Variants in PDIA5 observed in about 807,000 individuals in gnomAD.
PDIA5 encodes protein disulfide-isomerase A5.
A neutral mutation model predicts 77.6 loss-of-function variants in PDIA5; 58 were observed. That is an observed-to-expected ratio of 0.75 (90% CI 0.61 to 0.93). PDIA5 has a LOEUF of 0.93. PDIA5 is among the 40% of genes least tolerant of loss of function. The probability of loss-of-function intolerance (pLI) is 0.00; values close to 1 mark genes in which losing one functional copy is unlikely to be tolerated. For missense variants in PDIA5, 630 were observed against 647.7 expected (o/e 0.97, Z 0.30); for synonymous variants, 250 against 252.1 (o/e 0.99, Z 0.08).
intron 3 of PDIA5, among the ~76,000 whole-genome samples, chr3:123,096,539 A>G (rs997523964): frequency 6.6e-6 from 1 of 151,180 alleles, no homozygotes; most frequent in Non-Finnish European, 1.5e-5. Flanking sequence ...ATGGATATAT[A>G]TTTTCCTTTT....
intron 8 of PDIA5, 67 bp downstream of exon 8, chr3:123,116,365 G>T (rs1934998557): frequency 1.8e-6 from 2 of 1,121,678 alleles, no homozygotes; most frequent in African/African-American, 3.0e-5. Context: ...AGGGTGCCAG[G>T]GGTGGGGTGG....
At chr3:123,105,965 C>T (rs747491070) in intron 5 of PDIA5, among the ~76,000 whole-genome samples, 2 of 152,166 alleles carry the variant, frequency 1.3e-5, no homozygotes, top group Non-Finnish European at 2.9e-5. Context: ...AGGACAGTGC[C>T]ACTCTTCCCT....
At position 123,106,770 on chromosome 3, in the gene PDIA5, G is replaced by C. The variant is rs764297053; in HGVS notation, c.409G>C (p.Asp137His). 1 of 1,611,604 alleles carries C rather than the reference G, an allele frequency of 6.2e-7. No individual in the cohort carries two copies. The highest frequency in any genetic ancestry group is 8.5e-7 in the Non-Finnish European group (1 of 1,178,642). Residue 137 changes from aspartate to histidine, a missense_variant, in exon 6 of 17, where the codon GAT (aspartate) becomes CAT (histidine). Coordinates refer to ENST00000316218, the MANE Select transcript of PDIA5 (RefSeq NM_006810.4). Reference sequence around the variant, plus strand: ...TCAGTCCATAGTGGCCTTTTTGAAGGATCCAAAAGGGCCCCCACTGTGGGA... The same window carrying C: ...TCAGTCCATAGTGGCCTTTTTGAAGCATCCAAAAGGGCCCCCACTGTGGGA... Reference protein sequence around the residue: ...TFKSIVAFLKDPKGPPLWEED... With the variant: ...TFKSIVAFLKHPKGPPLWEED...
At chr3:123,129,857 T>C (rs1935332850) in intron 10 of PDIA5, among the ~76,000 whole-genome samples, 1 of 152,208 alleles carries the variant, frequency 6.6e-6, no homozygotes, top group Admixed American at 6.5e-5. Context: ...TGTTGGCCTC[T>C]GGGAAGGATT....
At chr3:123,141,460 T>C (rs1935633321) in intron 11 of PDIA5, among the ~76,000 whole-genome samples, 1 of 152,206 alleles carries the variant, frequency 6.6e-6, no homozygotes, top group Admixed American at 6.5e-5. Flanking sequence ...CATGGACCAC[T>C]CACATCTCTC....
intron 15 of PDIA5, among the ~76,000 whole-genome samples, chr3:123,159,821 T>G (rs1186962699): frequency 6.6e-6 from 1 of 152,090 alleles, no homozygotes; most frequent in Non-Finnish European, 1.5e-5. Flanking sequence ...AGGCCGCACC[T>G]CACTCTTCTC....
At chr3:123,095,091 G>T (rs535244763) in intron 3 of PDIA5, among the ~76,000 whole-genome samples, 1 of 152,194 alleles carries the variant, frequency 6.6e-6, no homozygotes, top group East Asian at 1.9e-4. Context: ...AGTTAGCTGC[G>T]CTGCTCACTA....
intron 3 of PDIA5, 134 bp from the exon 4 acceptor site, chr3:123,102,277 A>G (rs1934620857): frequency 1.0e-5 from 7 of 689,534 alleles, no homozygotes; most frequent in Middle Eastern, 2.4e-4. Context: ...CAGCCCATCT[A>G]TAGTAAGGCC....
At chr3:123,093,595 C>T (rs1205880125) in intron 3 of PDIA5, among the ~76,000 whole-genome samples, 1 of 152,166 alleles carries the variant, frequency 6.6e-6, no homozygotes, top group African/African-American at 2.4e-5. Context: ...GTTGTCTCCA[C>T]CTGGGTCCAT....
rs923517457 is a variant in PDIA5, at chr3:123,103,197, G to A, written c.387+401G>A. On this transcript the variant is annotated intron_variant, in intron 5 of 16. Coordinates refer to ENST00000316218, the MANE Select transcript of PDIA5 (RefSeq NM_006810.4). ...ATGGGCAGGTTGACACCTTTGGGCT[G>A]ATGCAGCTTGTTCCAGATGAGATAT... Among the ~76,000 whole-genome samples the A allele has an allele frequency of 2.6e-5, 4 of 152,208 alleles. No homozygotes were observed. In the South Asian group the frequency reaches 8.3e-4, roughly 32 times the overall value.
chr3:123,132,806 G>T (rs1374902916), intron 11 of PDIA5, among the ~76,000 whole-genome samples: 1 of 152,202 alleles, frequency 6.6e-6, no homozygotes, highest in Non-Finnish European at 1.5e-5. Context: ...GCTGTTTCCA[G>T]TTCCTCCTTG....
intron 15 of PDIA5, among the ~76,000 whole-genome samples, chr3:123,157,452 G>A (rs1007344146): frequency 3.9e-5 from 6 of 152,132 alleles, no homozygotes; most frequent in South Asian, 2.1e-4. Flanking sequence ...CCCTTTACTC[G>A]TGAGGGATCC....
At chr3:123,126,041 C>T (rs1274031859) in intron 10 of PDIA5, among the ~76,000 whole-genome samples, 1 of 152,238 alleles carries the variant, frequency 6.6e-6, no homozygotes, top group Non-Finnish European at 1.5e-5. Flanking sequence ...CCCTTCCCTT[C>T]TCTAACCTTT....
At chr3:123,110,317 C>G (rs1934830441) in intron 6 of PDIA5, among the ~76,000 whole-genome samples, 1 of 152,222 alleles carries the variant, frequency 6.6e-6, no homozygotes, top group African/African-American at 2.4e-5. Context: ...TGCCTGTAAC[C>G]TCCTGGAGGG....
At chr3:123,161,104 C>T (rs1413383742) in intron 15 of PDIA5, among the ~76,000 whole-genome samples, 3 of 152,164 alleles carry the variant, frequency 2.0e-5, no homozygotes, top group African/African-American at 4.8e-5. Context: ...CACTCCAGGC[C>T]GAGTCCCCTA....
chr3:123,118,369 C>T (rs1247456848), intron 8 of PDIA5, among the ~76,000 whole-genome samples: 1 of 152,192 alleles, frequency 6.6e-6, no homozygotes, highest in Non-Finnish European at 1.5e-5. Flanking sequence ...TGCCTGCACC[C>T]GCATACACTT....
At chr3:123,100,114 C>G (rs1282231455) in intron 3 of PDIA5, among the ~76,000 whole-genome samples, 1 of 152,222 alleles carries the variant, frequency 6.6e-6, no homozygotes, top group Non-Finnish European at 1.5e-5. Context: ...GTCACAGAAA[C>G]AGTGGAGCAT....
intron 15 of PDIA5, among the ~76,000 whole-genome samples, chr3:123,157,748 C>A (rs1038823454): frequency 1.3e-5 from 2 of 152,220 alleles, no homozygotes; most frequent in Non-Finnish European, 2.9e-5. Context: ...CACCCCCTCC[C>A]GGGAGCTTAC....
At position 123,081,425 on chromosome 3, in the gene PDIA5, C is replaced by T. The variant is rs557552793; in HGVS notation, c.43-7743C>T. 2.0e-5 allele frequency among the ~76,000 whole-genome samples: 3 copies of T among 152,330 alleles called. No individual in the cohort carries two copies. In the East Asian group the frequency reaches 5.8e-4, roughly 29 times the overall value. ...TCTCAGCCCGCTCAAGTTCTCTGAC[C>T]TTGGATTCAGGGCCACATCTGTTTT... On this transcript the variant is annotated intron_variant, in intron 1 of 16. Coordinates refer to ENST00000316218, the MANE Select transcript of PDIA5 (RefSeq NM_006810.4).
Sources: gnomAD v4.1 joint callset for allele counts (sites outside exome capture counted in the v4.1 genomes callset) on GRCh38, gnomAD v4.1.1 for gene constraint, MANE v1.5 for transcripts, NCBI Gene and HGNC (gene_info 2026-07-23, HGNC 2026-07-21) for gene names.